The following ZC3H14 variants were observed in gnomAD, a reference collection of about 807,000 sequenced individuals.
ZC3H14 encodes zinc finger CCCH domain-containing protein 14.
Under a neutral mutation model 92.4 loss-of-function variants are expected in ZC3H14, and 31 were observed. That is an observed-to-expected ratio of 0.34 (90% CI 0.25 to 0.45). ZC3H14 has a LOEUF of 0.45. ZC3H14 is among the 20% of genes least tolerant of loss of function. The pLI, the probability that ZC3H14 is intolerant of heterozygous loss-of-function variation, is 1.00. For missense variants in ZC3H14, 781 were observed against 897.3 expected, an observed-to-expected ratio of 0.87 and a Z score of 1.66; for synonymous variants, 321 against 300.9, an observed-to-expected ratio of 1.07 and a Z score of -0.69.
intron 9 of ZC3H14, among the ~76,000 whole-genome samples, chr14:88,584,632 T>G (rs1214026926): frequency 6.6e-6 from 1 of 152,200 alleles, no homozygotes; most frequent in Non-Finnish European, 1.5e-5. Flanking sequence ...GTGTTTTGAG[T>G]GTCCACTTAA....
chr14:88,609,924 C>G, intron 15 of ZC3H14, 121 bp downstream of exon 15: 1 of 1,078,250 alleles, frequency 9.3e-7, no homozygotes, highest in Non-Finnish European at 1.4e-6. Flanking sequence ...GCCAGTAAAA[C>G]TATTAAGTTG....
rs1237657813 is a variant in ZC3H14 at position 88,623,759 on chromosome 14, C to G, written c.*12008C>G. The G allele has an allele frequency of 6.6e-6, 1 of 152,178 alleles. No individual in the cohort carries two copies. Among genetic ancestry groups the G allele is most frequent in the Non-Finnish European group, 1.5e-5 (1 of 68,050 alleles). 9.4% of individuals were successfully genotyped at this position (152,178 alleles called of 1,614,324 possible). ...AAACAGAAGCATATTTATTCCCTAT[C>G]AGGTGTTAAAATATCTCACTGGAAC... is the stretch of plus-strand genomic sequence containing the variant. On this transcript the variant is annotated 3_prime_UTR_variant, in exon 17 of 17. Transcript: ENST00000251038.
intron 12 of ZC3H14, among the ~76,000 whole-genome samples, chr14:88,603,332 C>A (rs899086894): frequency 1.3e-5 from 2 of 152,192 alleles, no homozygotes; most frequent in African/African-American, 4.8e-5. Flanking sequence ...AAGGATGAAC[C>A]ACCATTCTTG....
intron 9 of ZC3H14, chr14:88,589,468 A>C (rs1287678151): frequency 4.6e-5 from 7 of 152,162 alleles, no homozygotes; most frequent in African/African-American, 1.7e-4. Context: ...TCATCTCTGC[A>C]CTGTGACTCT....
intron 7 of ZC3H14, 138 bp from the exon 8 acceptor site, chr14:88,575,702 T>C (rs1238007816): frequency 6.1e-6 from 4 of 651,342 alleles, no homozygotes; most frequent in African/African-American, 5.5e-5. Context: ...AAGGTTCCAG[T>C]GTAGTTGGCA....
At chr14:88,578,349 C>T (rs1212733120) in intron 9 of ZC3H14, among the ~76,000 whole-genome samples, 1 of 151,984 alleles carries the variant, frequency 6.6e-6, no homozygotes, top group Non-Finnish European at 1.5e-5. Context: ...GCTGTGTTGC[C>T]CAGGCAGTCC....
Position 88,616,491 on chromosome 14 carries a change from T to G in ZC3H14, c.*4740T>G, listed in dbSNP as rs536728860. The G allele has an allele frequency of 5.0e-6, 3 of 604,528 alleles. No homozygotes were observed. Among genetic ancestry groups the G allele is most frequent in the South Asian group, 4.5e-5 (2 of 44,392 alleles). The allele number at this position is 604,528 out of a possible 1,614,324, so 37.4% of individuals were successfully genotyped here. On this transcript the variant is annotated 3_prime_UTR_variant, in exon 17 of 17. Transcript: ENST00000251038. ...AAGCATTTGAAATTTGATAACTGAT[T>G]ATAGGTTTGGTGAAAAGCTAATTAC...
Position 88,622,565 on chromosome 14 carries a change from G to A in ZC3H14, c.*10814G>A. On this transcript the variant is annotated 3_prime_UTR_variant, in exon 17 of 17. Transcript: ENST00000251038. Reference sequence around the variant, plus strand: ...GGAATCACAGTAATAACCACTTTCTGTTTTCTGCTGCACTGTATCAGCTCA... The same window carrying A: ...GGAATCACAGTAATAACCACTTTCTATTTTCTGCTGCACTGTATCAGCTCA... The A allele has an allele frequency of 6.8e-7, 1 of 1,469,034 alleles. No individual in the cohort carries two copies. The highest frequency in any genetic ancestry group is 9.1e-7 in the Non-Finnish European group (1 of 1,093,002). 91.0% of individuals were successfully genotyped at this position (1,469,034 alleles called of 1,614,324 possible).
At position 88,615,608 on chromosome 14, in the gene ZC3H14, T is replaced by G; in HGVS notation, c.*3857T>G. 1 of 491,624 alleles carries G rather than the reference T, an allele frequency of 2.0e-6. No individual in the cohort carries two copies. 30.5% of individuals were successfully genotyped at this position (491,624 alleles called of 1,614,324 possible). On this transcript the variant is annotated 3_prime_UTR_variant, in exon 17 of 17. Transcript: ENST00000251038. Reference sequence around the variant, plus strand: ...TATTCGATCCTTCCTTGAAATGGCATTATCTGGCAGTGTATGGATTACGGA... The same window carrying G: ...TATTCGATCCTTCCTTGAAATGGCAGTATCTGGCAGTGTATGGATTACGGA...
chr14:88,567,577 T>C (rs939585695), intron 2 of ZC3H14, among the ~76,000 whole-genome samples: 9 of 152,148 alleles, frequency 5.9e-5, no homozygotes, highest in Non-Finnish European at 8.8e-5. Context: ...TATTCGATGT[T>C]GCTACAAGTT....
chr14:88,571,957 C>T lies in ZC3H14; in HGVS notation c.236-73C>T. 4.9e-6 allele frequency: 6 copies of T among 1,233,216 alleles called. No individual in the cohort carries two copies. In the South Asian group the frequency reaches 8.8e-5, roughly 18 times the overall value. The allele number at this position is 1,233,216 out of a possible 1,614,324, so 76.4% of individuals were successfully genotyped here. Reference sequence around the variant, plus strand: ...CCAGCCTGGCGACAGAGCGAGACTCCATCTCAAAAATAAATAAATAAATAA... The same window carrying T: ...CCAGCCTGGCGACAGAGCGAGACTCTATCTCAAAAATAAATAAATAAATAA... On this transcript the variant is annotated intron_variant, in intron 4 of 16. Coordinates refer to ENST00000251038, the MANE Select transcript of ZC3H14 (RefSeq NM_024824.5).
rs1238991351 is a variant in ZC3H14, at chr14:88,618,352, G to T, written c.*6601G>T. 6.2e-7 allele frequency: 1 copy of T among 1,603,784 alleles called. No homozygotes were observed. Among genetic ancestry groups the T allele is most frequent in the South Asian group, 1.1e-5 (1 of 90,736 alleles). ...GAGACCTTTTTCATCAGATTAAAAT[G>T]GGACAAGAATTCCATTAGGTGAGAG... On this transcript the variant is annotated 3_prime_UTR_variant, in exon 17 of 17. Transcript: ENST00000251038.
rs1044012613 is a variant in ZC3H14 at position 88,613,098 on chromosome 14, T to C, written c.*1347T>C. On this transcript the variant is annotated 3_prime_UTR_variant, in exon 17 of 17. Coordinates refer to ENST00000251038, the MANE Select transcript of ZC3H14 (RefSeq NM_024824.5). Reference sequence around the variant, plus strand: ...CCAGCAGTCTACTGTTGTGTTGCCATTGCTTTTCCATTGGGAGAAGAAAGA... The same window carrying C: ...CCAGCAGTCTACTGTTGTGTTGCCACTGCTTTTCCATTGGGAGAAGAAAGA... The C allele has an allele frequency of 1.3e-5, 2 of 152,460 alleles. No homozygotes were observed. The highest frequency in any genetic ancestry group is 2.9e-5 in the Non-Finnish European group (2 of 68,052). The allele number at this position is 152,460 out of a possible 1,614,324, so 9.4% of individuals were successfully genotyped here. A position where few individuals can be genotyped will look rare whatever the true frequency, so the allele number is the denominator to read the frequency against.
intron 12 of ZC3H14, among the ~76,000 whole-genome samples, chr14:88,603,613 C>A (rs1221964676): frequency 6.6e-6 from 1 of 152,162 alleles, no homozygotes; most frequent in African/African-American, 2.4e-5. Context: ...TTCTTATCAC[C>A]GTTTCTTTCA....
At chr14:88,607,559 C>T (rs1192611102) in intron 13 of ZC3H14, among the ~76,000 whole-genome samples, 196 bp downstream of exon 13, 8 of 143,654 alleles carry the variant, frequency 5.6e-5, no homozygotes, top group Middle Eastern at 4.3e-3. Context: ...CCTGCAAGTA[C>T]CATCCCCCAT....
rs773440148 is a variant in ZC3H14, at chr14:88,572,595, G to A, written c.449G>A (p.Gly150Glu). The change falls in exon 6 of 17, where the codon GGA becomes GAA. Residue 150 changes from glycine to glutamate, a missense_variant. This residue lies in a region of ZC3H14 where 454 missense variants were observed against 438.5 expected (regional missense o/e 1.04). Transcript: ENST00000251038. ...TTNVRQTYDDGAATRLMSTVK... is the reference protein window; with the variant it reads ...TTNVRQTYDDEAATRLMSTVK... ...TTAAATAGACAGACTTACGATGATGGAGCTGCAACCCGACTAATGTCAACA... is the reference window on the plus strand; with the variant it reads ...TTAAATAGACAGACTTACGATGATGAAGCTGCAACCCGACTAATGTCAACA... The A allele has an allele frequency of 9.3e-6, 15 of 1,614,000 alleles. No individual in the cohort carries two copies. Among genetic ancestry groups the A allele is most frequent in the Non-Finnish European group, 1.7e-6 (2 of 1,180,050 alleles).
At chr14:88,589,566 A>G (rs1219687526) in intron 9 of ZC3H14, 1 of 152,176 alleles carries the variant, frequency 6.6e-6, no homozygotes, top group Non-Finnish European at 1.5e-5. Flanking sequence ...GGTGTAATAA[A>G]TCATTTCAAA....
At chr14:88,575,055 G>C (rs931466439) in intron 7 of ZC3H14, among the ~76,000 whole-genome samples, 1 of 152,184 alleles carries the variant, frequency 6.6e-6, no homozygotes, top group Non-Finnish European at 1.5e-5. Context: ...TCCTGATTGA[G>C]CCTCCTGAAT....
chr14:88,608,113 GAGTACCATCCCCCCATCTCATCCTGCA>G (rs1478004399), intron 13 of ZC3H14: 18 of 357,058 alleles, frequency 5.0e-5, no homozygotes, highest in East Asian at 1.7e-4. Flanking sequence ...CCCTGCAAGT[GAGTACCATCCCCCCATCTCATCCTGCA>G]AGTACCATCC....
Sources: allele counts gnomAD v4.1 joint callset (sites outside exome capture counted in the v4.1 genomes callset), GRCh38; gene constraint gnomAD v4.1.1; regional missense constraint gnomAD v4.1.1; transcripts MANE v1.5; gene names NCBI Gene and HGNC (gene_info 2026-07-23, HGNC 2026-07-21).